CDH13: variants seen among roughly 807,000 people sequenced by gnomAD.
The protein encoded by CDH13 is cadherin 13, also known as cadherin-13.
CDH13 carries 24 observed loss-of-function variants against 63.8 expected under a neutral mutation model. That is an observed-to-expected ratio of 0.38 (90% confidence interval 0.27 to 0.53). The LOEUF (loss-of-function observed/expected upper bound fraction) is 0.53, where lower values mean the gene tolerates loss of function less well. Ranked by LOEUF, CDH13 falls within the 20% of genes least tolerant of loss-of-function variation. The pLI is 0.85. For synonymous variants in CDH13, 503 were observed against 355.3 expected (o/e 1.42, Z -4.67); for missense variants, 1,049 against 903.1 (o/e 1.16, Z -2.07).
At chr16:83,662,259 G>T (rs1439092145) in intron 8 of CDH13, among the ~76,000 whole-genome samples, 1 of 152,168 alleles carries the variant, frequency 6.6e-6, no homozygotes, top group Non-Finnish European at 1.5e-5. Context: ...ACATTTAACT[G>T]GGAAGACTCT....
At chr16:82,807,530 A>G (rs531201276) in intron 1 of CDH13, among the ~76,000 whole-genome samples, 84 of 151,450 alleles carry the variant, frequency 5.5e-4, no homozygotes, top group South Asian at 1.7e-3. Flanking sequence ...CAAAAGAAAT[A>G]AGAGCAAAAC....
chr16:83,308,441 A>G (rs2151883138), intron 5 of CDH13, among the ~76,000 whole-genome samples: 2 of 152,360 alleles, frequency 1.3e-5, no homozygotes, highest in South Asian at 4.1e-4. Context: ...ATATTCTCAG[A>G]AGATCTCCTA....
intron 2 of CDH13, among the ~76,000 whole-genome samples, chr16:82,957,544 C>T (rs1332122417): frequency 6.6e-6 from 1 of 152,124 alleles, no homozygotes; most frequent in Non-Finnish European, 1.5e-5. Flanking sequence ...CCCAAGTACC[C>T]ATAACATGTA....
At chr16:83,364,514 T>C (rs1233604849) in intron 6 of CDH13, among the ~76,000 whole-genome samples, 1 of 152,186 alleles carries the variant, frequency 6.6e-6, no homozygotes, top group Non-Finnish European at 1.5e-5. Context: ...TCACATCTTC[T>C]CTAAGACCAT....
chr16:83,112,151 C>T (rs1295137724), intron 3 of CDH13, among the ~76,000 whole-genome samples: 3 of 152,200 alleles, frequency 2.0e-5, no homozygotes, highest in African/African-American at 7.2e-5. Context: ...GATTTCTATA[C>T]CTTTGTGTCT....
intron 1 of CDH13, among the ~76,000 whole-genome samples, chr16:82,729,098 G>T (rs373599515): frequency 1.3e-5 from 2 of 152,054 alleles, no homozygotes; most frequent in Non-Finnish European, 2.9e-5. Flanking sequence ...CACATCTGCC[G>T]TTACTTCCTC....
rs759132538 is a variant in CDH13, at chr16:83,783,306, C to T, written c.1968C>T (p.Asn656=). 12 of 1,613,832 alleles carry T rather than the reference C, an allele frequency of 7.4e-6. No individual in the cohort carries two copies. Among genetic ancestry groups the T allele is most frequent in the Admixed American group, 5.0e-5 (3 of 60,000 alleles). The part of the protein sequence containing the change: ...LLQNLNKANY[N]LPIMVTDSGK... ...AAAATCTGAACAAAGCAAACTACAACCTGCCCATCATGGTGACAGATTCAG... is the reference window on the plus strand; with the variant it reads ...AAAATCTGAACAAAGCAAACTACAATCTGCCCATCATGGTGACAGATTCAG... The change falls in exon 13 of 14, where the codon AAC becomes AAT. Residue 656 remains asparagine, a synonymous_variant. Transcript: ENST00000567109.
chr16:83,700,642 T>C (rs999127705), intron 10 of CDH13, among the ~76,000 whole-genome samples: 17 of 152,314 alleles, frequency 1.1e-4, no homozygotes, highest in African/African-American at 4.1e-4. Flanking sequence ...CATATTTCCT[T>C]TTTTTACACA....
chr16:82,811,222 G>A (rs143940862), intron 1 of CDH13, among the ~76,000 whole-genome samples: 5 of 152,104 alleles, frequency 3.3e-5, no homozygotes, highest in Admixed American at 3.3e-4. Context: ...ATGCCAAATT[G>A]GTAGCTTGAA....
At chr16:83,602,305 A>G in intron 7 of CDH13, 149 bp from the exon 8 acceptor site, 1 of 795,070 alleles carries the variant, frequency 1.3e-6, no homozygotes, top group South Asian at 1.4e-5. Flanking sequence ...ACATTTATAC[A>G]CAATAGGTAA....
chr16:83,456,741 C>G (rs930476564), intron 6 of CDH13, among the ~76,000 whole-genome samples: 1 of 152,150 alleles, frequency 6.6e-6, no homozygotes, highest in African/African-American at 2.4e-5. Flanking sequence ...GCGGGCAGAT[C>G]ACCTGAGGTC....
intron 5 of CDH13, among the ~76,000 whole-genome samples, chr16:83,344,569 G>A (rs1457707033): frequency 6.6e-6 from 1 of 152,114 alleles, no homozygotes; most frequent in East Asian, 1.9e-4. Context: ...TAATTTCTTG[G>A]CTATGACTGT....
intron 4 of CDH13, among the ~76,000 whole-genome samples, chr16:83,197,596 C>T (rs2038911276): frequency 6.6e-6 from 1 of 151,992 alleles, no homozygotes; most frequent in Non-Finnish European, 1.5e-5. Flanking sequence ...CAGTGGCTGC[C>T]AGAATGTGTA....
chr16:83,243,184 G>T (rs1904641018), intron 5 of CDH13, among the ~76,000 whole-genome samples: 1 of 152,102 alleles, frequency 6.6e-6, no homozygotes, highest in African/African-American at 2.4e-5. Flanking sequence ...GGCTTCAGGA[G>T]CTTCTCTCAT....
At chr16:82,932,235 AT>A (rs1208721388) in intron 2 of CDH13, among the ~76,000 whole-genome samples, 7 of 152,176 alleles carry the variant, frequency 4.6e-5, no homozygotes, top group Non-Finnish European at 7.4e-5. Context: ...CCTGCCCAAC[AT>A]TGACACACAC....
intron 10 of CDH13, among the ~76,000 whole-genome samples, chr16:83,733,578 C>T (rs1890558150): frequency 6.6e-6 from 1 of 152,218 alleles, no homozygotes; most frequent in African/African-American, 2.4e-5. Context: ...GTGGTCCCCG[C>T]TGCAGCTGGC....
Position 82,877,688 on chromosome 16 carries a change from A to T in CDH13, c.157+19215A>T, listed in dbSNP as rs1472120844. 2.6e-5 allele frequency among the ~76,000 whole-genome samples: 4 copies of T among 152,134 alleles called. No individual in the cohort carries two copies. The East Asian group carries it at 7.7e-4, about 29-fold the overall frequency. Reference sequence around the variant, plus strand: ...TATGATGTGAAAATGCACAGTAAATATTCCAGAAAGCATGCAAAAATACCC... The same window carrying T: ...TATGATGTGAAAATGCACAGTAAATTTTCCAGAAAGCATGCAAAAATACCC... On this transcript the variant is annotated intron_variant, in intron 2 of 13. Transcript: ENST00000567109.
In CDH13 at chr16:83,702,492, AGGG is replaced by A. The variant is rs540725689; in HGVS notation, c.1538+24034_1538+24036del. 9.9e-4 allele frequency among the ~76,000 whole-genome samples: 151 copies of A among 152,242 alleles called. 3 individuals are homozygous for A. In the South Asian group the frequency reaches 0.029, roughly 29 times the overall value. ...AAAGAGAGAGCAAGGAGGGTCTTGC[AGGG>A]GGTTTGCAGCCAGGCCCAGAAGTGA... On this transcript the variant is annotated intron_variant, in intron 10 of 13. Coordinates refer to ENST00000567109, the MANE Select transcript of CDH13 (RefSeq NM_001257.5).
intron 1 of CDH13, among the ~76,000 whole-genome samples, chr16:82,773,879 GT>G (rs1307942712): frequency 3.9e-5 from 6 of 151,952 alleles, no homozygotes; most frequent in Admixed American, 1.3e-4. Context: ...CGCCTCCCGG[GT>G]TCAAGCAATT....
Sources: allele counts gnomAD v4.1 joint callset (sites outside exome capture counted in the v4.1 genomes callset), GRCh38; gene constraint gnomAD v4.1.1; transcripts MANE v1.5; gene names NCBI Gene and HGNC (gene_info 2026-07-23, HGNC 2026-07-21).